The following WDR82 variants were observed in gnomAD, a reference collection of about 807,000 sequenced individuals.
WDR82 encodes WD repeat-containing protein 82.
Under a neutral mutation model 36.1 loss-of-function variants are expected in WDR82, and 8 were observed. The ratio of observed to expected loss-of-function variants is 0.22; its 90% CI spans 0.13 to 0.40. The LOEUF (loss-of-function observed/expected upper bound fraction) is 0.40. Among genes scored for constraint, WDR82 ranks in the 10% least tolerant of loss-of-function variants. WDR82 has a pLI of 1.00. For missense variants in WDR82, 185 were observed against 400.5 expected (o/e 0.46, Z 4.59); for synonymous variants, 129 against 137.8 (o/e 0.94, Z 0.45).
intron 1 of WDR82, among the ~76,000 whole-genome samples, chr3:52,272,309 CGAG>C (rs1168423004): frequency 6.6e-6 from 1 of 151,874 alleles, no homozygotes; most frequent in East Asian, 1.9e-4. Flanking sequence ...TTTGGGAGGC[CGAG>C]GAGGGTGGAT....
At chr3:52,270,940 AAAC>A in intron 1 of WDR82, 131 bp from the exon 2 acceptor site, 1 of 578,794 alleles carries the variant, frequency 1.7e-6, no homozygotes, top group Non-Finnish European at 2.9e-6. Flanking sequence ...CACTGGAAAG[AAAC>A]AACTTCTTCC....
chr3:52,262,904 G>A (rs1179354029), intron 3 of WDR82, among the ~76,000 whole-genome samples: 1 of 152,160 alleles, frequency 6.6e-6, no homozygotes, highest in African/African-American at 2.4e-5. Flanking sequence ...CCAGGTGGGC[G>A]ATCACCTGAG....
At chr3:52,269,160 A>C (rs1157930260) in intron 2 of WDR82, among the ~76,000 whole-genome samples, 1 of 152,138 alleles carries the variant, frequency 6.6e-6, no homozygotes, top group Admixed American at 6.5e-5. Flanking sequence ...GATCATCAAT[A>C]ATCCACTGAA....
intron 1 of WDR82, among the ~76,000 whole-genome samples, chr3:52,272,062 C>A (rs902331011): frequency 6.6e-6 from 1 of 152,126 alleles, no homozygotes; most frequent in Non-Finnish European, 1.5e-5. Flanking sequence ...TGCAATACAG[C>A]CTCTGCGACA....
intron 4 of WDR82, 83 bp from the exon 5 acceptor site, chr3:52,260,584 G>C (rs1700052636): frequency 1.1e-6 from 1 of 916,060 alleles, no homozygotes; most frequent in Non-Finnish European, 1.6e-6. Context: ...TGGTACAATG[G>C]GGAAAAAAAA....
chr3:52,277,221 G>GT (rs1700212664), intron 1 of WDR82, among the ~76,000 whole-genome samples: 1 of 152,058 alleles, frequency 6.6e-6, no homozygotes, highest in Non-Finnish European at 1.5e-5. Flanking sequence ...ATCTAAACTA[G>GT]TTTTTGGCTC....
At chr3:52,269,931 T>C (rs1487353323) in intron 2 of WDR82, among the ~76,000 whole-genome samples, 1 of 152,208 alleles carries the variant, frequency 6.6e-6, no homozygotes, top group Non-Finnish European at 1.5e-5. Context: ...CTCTACTCTT[T>C]AGATCAAAAA....
At chr3:52,271,271 G>A (rs932718621) in intron 1 of WDR82, among the ~76,000 whole-genome samples, 5 of 152,058 alleles carry the variant, frequency 3.3e-5, no homozygotes, top group South Asian at 2.1e-4. Flanking sequence ...AACACTTAAC[G>A]CTATATTATA....
intron 8 of WDR82, 97 bp from the exon 9 acceptor site, chr3:52,257,616 C>T (rs1700021073): frequency 6.7e-7 from 1 of 1,491,206 alleles, no homozygotes; most frequent in African/African-American, 1.4e-5. Flanking sequence ...GTGCCCAACC[C>T]CAGTGGCTCT....
intron 1 of WDR82, among the ~76,000 whole-genome samples, chr3:52,273,699 C>T (rs964023847): frequency 1.7e-4 from 26 of 152,186 alleles, no homozygotes; most frequent in African/African-American, 6.0e-4. Flanking sequence ...CGGCTCACTG[C>T]AACCTCTGCG....
Position 52,257,418 on chromosome 3 carries a change from T to C in WDR82, c.*72A>G. On this transcript the variant is annotated 3_prime_UTR_variant, in exon 9 of 9. Coordinates refer to ENST00000296490, the MANE Select transcript of WDR82 (RefSeq NM_025222.4). The stretch of plus-strand genomic sequence containing the variant: ...CAGTCAAATGATCCAATCCCACTAT[T>C]ATCTCAGTTCCCTCTGAGTTTCTTC... The C allele has an allele frequency of 1.3e-6, 2 of 1,597,462 alleles. No individual in the cohort carries two copies. Among genetic ancestry groups the C allele is most frequent in the Non-Finnish European group, 1.7e-6 (2 of 1,164,890 alleles).
intron 7 of WDR82, 123 bp from the exon 8 acceptor site, chr3:52,258,801 TGA>T: frequency 7.3e-7 from 1 of 1,374,472 alleles, no homozygotes; most frequent in Non-Finnish European, 9.9e-7. Flanking sequence ...CAGGCAAAAT[TGA>T]GAGGGAGGAG....
At chr3:52,259,416 T>C (rs1700040336) in intron 6 of WDR82, 150 bp from the exon 7 acceptor site, 2 of 850,296 alleles carry the variant, frequency 2.4e-6, no homozygotes, top group Non-Finnish European at 3.7e-6. Flanking sequence ...CAAATGTGGT[T>C]GCCATCGTTG....
intron 5 of WDR82, 80 bp from the exon 6 acceptor site, chr3:52,259,952 G>T (rs1373534914): frequency 1.3e-6 from 2 of 1,484,794 alleles, no homozygotes; most frequent in Non-Finnish European, 1.8e-6. Flanking sequence ...TATTCCTTTA[G>T]ATTACTTTTT....
At chr3:52,269,472 T>C (rs1437284970) in intron 2 of WDR82, among the ~76,000 whole-genome samples, 1 of 151,240 alleles carries the variant, frequency 6.6e-6, no homozygotes, top group East Asian at 1.9e-4. Flanking sequence ...CAGGACTCTG[T>C]CTCAAAAGAA....
chr3:52,267,898 TG>T (rs1700119980), intron 2 of WDR82: 1 of 154,938 alleles, frequency 6.5e-6, no homozygotes, highest in South Asian at 1.9e-4. Context: ...TAAGGGAAAA[TG>T]GTACCAAAAT....
At chr3:52,263,039 A>C (rs779174326) in intron 3 of WDR82, among the ~76,000 whole-genome samples, 3 of 151,496 alleles carry the variant, frequency 2.0e-5, no homozygotes, top group Non-Finnish European at 4.4e-5. Context: ...GAGGCGGAAG[A>C]ATCGCTTGAA....
intron 2 of WDR82, chr3:52,267,852 A>G (rs1700119429): frequency 6.5e-6 from 1 of 154,758 alleles, no homozygotes; most frequent in South Asian, 1.9e-4. Flanking sequence ...TCCCCTTAAA[A>G]AGACTAGGAA....
At chr3:52,260,586 G>GA (rs972061417) in intron 4 of WDR82, 85 bp from the exon 5 acceptor site, 1,281 of 839,388 alleles carry the variant, frequency 1.5e-3, no homozygotes, top group Non-Finnish European at 1.8e-3. Context: ...GTACAATGGG[G>GA]AAAAAAAAAT....
Sources: allele counts gnomAD v4.1 joint callset (sites outside exome capture counted in the v4.1 genomes callset), GRCh38; gene constraint gnomAD v4.1.1; transcripts MANE v1.5; gene names NCBI Gene and HGNC (gene_info 2026-07-23, HGNC 2026-07-21).